The following SHOC1 variants were observed in gnomAD, a reference collection of about 807,000 sequenced individuals.
SHOC1 encodes protein shortage in chiasmata 1 ortholog.
SHOC1 carries 136 observed loss-of-function variants against 179.2 expected under a neutral mutation model. That is an observed-to-expected ratio of 0.76 (90% CI 0.66 to 0.87). The LOEUF is 0.87. Ranked by LOEUF, SHOC1 falls within the 40% of genes least tolerant of loss-of-function variation. SHOC1 has a pLI of 0.00. For missense variants in SHOC1, 1,538 were observed against 1,700.8 expected (o/e 0.90, Z 1.68); for synonymous variants, 489 against 586.6 (o/e 0.83, Z 2.41).
intron 5 of SHOC1, among the ~76,000 whole-genome samples, chr9:111,770,943 TTGGTCTTGCTTTTTTAATTCC>T (rs1258974663): frequency 2.0e-5 from 3 of 152,140 alleles, no homozygotes; most frequent in Admixed American, 6.5e-5. Context: ...AGCATATAGT[TTGGTCTTGCTTTTTTAATTCC>T]TTCAGCCATT....
At chr9:111,692,599 A>G in intron 26 of SHOC1, 88 bp from the exon 27 acceptor site, 1 of 900,552 alleles carries the variant, frequency 1.1e-6, no homozygotes, top group Non-Finnish European at 1.7e-6. Flanking sequence ...CAAAATATAA[A>G]TAGGTAGTCT....
Position 111,706,565 on chromosome 9 carries a change from T to C in SHOC1, c.2737+3A>G. 2 of 1,499,204 alleles carry C rather than the reference T, an allele frequency of 1.3e-6. No homozygotes were observed. 92.9% of individuals were successfully genotyped at this position (1,499,204 alleles called of 1,614,324 possible). A position where few individuals can be genotyped will look rare whatever the true frequency, so the allele number is the denominator to read the frequency against. ...AAAAAAGGATTTTGGCTTATATTCT[T>C]ACTTTCTAAAACTGTGTCTGGAAGA... is the stretch of plus-strand genomic sequence containing the variant. On this transcript the variant is annotated splice_donor_region_variant and intron_variant, in intron 20 of 27. Coordinates refer to ENST00000682961, the MANE Select transcript of SHOC1 (RefSeq NM_001378211.1).
intron 5 of SHOC1, among the ~76,000 whole-genome samples, chr9:111,761,118 T>G (rs752592690): frequency 8.5e-5 from 13 of 152,158 alleles, no homozygotes; most frequent in Admixed American, 7.9e-4. Context: ...AAAGGACTAT[T>G]TCATAAATGA....
chr9:111,714,498 G>C lies in SHOC1; in HGVS notation c.2362C>G (p.Gln788Glu). The C allele has an allele frequency of 6.2e-7, 1 of 1,613,778 alleles. No individual in the cohort carries two copies. The highest frequency in any genetic ancestry group is 8.5e-7 in the Non-Finnish European group (1 of 1,179,888). Residue 788 changes from glutamine (Q) to glutamate (E), a missense_variant, in exon 17 of 28, where the codon CAA (glutamine) becomes GAA (glutamate). By Grantham distance (29) the Gln-to-Glu change is conservative. Coordinates refer to ENST00000682961, the MANE Select transcript of SHOC1 (RefSeq NM_001378211.1). ...CTTAGTATCTGACATTGCAATTCTT[G>C]TATCTTGTAGTTGGTTTCAGGCTTT... ...GKKPETNYKIQELQCQILSWM... is the reference protein window; with the variant it reads ...GKKPETNYKIEELQCQILSWM...
intron 5 of SHOC1, among the ~76,000 whole-genome samples, chr9:111,770,586 T>G (rs1053463021): frequency 2.6e-5 from 4 of 152,260 alleles, no homozygotes; most frequent in Admixed American, 6.5e-5. Context: ...GTTTATGCTC[T>G]TTGTTGATTT....
At chr9:111,697,484 T>C (rs1239816787) in intron 24 of SHOC1, among the ~76,000 whole-genome samples, 2 of 152,120 alleles carry the variant, frequency 1.3e-5, no homozygotes, top group Non-Finnish European at 2.9e-5. Context: ...GAATGATGGT[T>C]TCCAGCTTCA....
chr9:111,689,652 G>C (rs966574365), intron 27 of SHOC1, among the ~76,000 whole-genome samples: 13 of 151,778 alleles, frequency 8.6e-5, no homozygotes, highest in African/African-American at 3.1e-4. Context: ...GTAGATACTA[G>C]TATCAAAGAG....
chr9:111,770,007 TTAGTCTTA>T (rs1835533880), intron 5 of SHOC1, among the ~76,000 whole-genome samples: 1 of 132,790 alleles, frequency 7.5e-6, no homozygotes, highest in African/African-American at 2.8e-5. Flanking sequence ...TTTTTTTTTT[TTAGTCTTA>T]GTTTCATGTA....
At chr9:111,736,752 A>T (rs1833829382) in intron 12 of SHOC1, among the ~76,000 whole-genome samples, 1 of 152,212 alleles carries the variant, frequency 6.6e-6, no homozygotes, top group South Asian at 2.1e-4. Context: ...GCACAGCAAA[A>T]GAAACTATCA....
In SHOC1 at chr9:111,736,947, T is replaced by C. The variant is rs1833836394; in HGVS notation, c.1417+1333A>G. Among the ~76,000 whole-genome samples, 3 of 152,006 alleles carry C rather than the reference T, an allele frequency of 2.0e-5. No individual in the cohort carries two copies. The South Asian group carries it at 6.2e-4, about 31-fold the overall frequency. On this transcript the variant is annotated intron_variant, in intron 12 of 27. Transcript: ENST00000682961. ...AAAAGAAGACTTACAAGACTTACAA[T>C]GTATGAAAAAAGTGCTCAACATCAC... is the stretch of plus-strand genomic sequence containing the variant.
chr9:111,691,572 C>G lies in SHOC1; in HGVS notation c.4405G>C (p.Gly1469Arg). 2 of 1,612,626 alleles carry G rather than the reference C, an allele frequency of 1.2e-6. No individual in the cohort carries two copies. The highest frequency in any genetic ancestry group is 8.5e-7 in the Non-Finnish European group (1 of 1,179,410). The change falls in exon 27 of 28, where the codon GGA (glycine) becomes CGA (arginine). Residue 1469 changes from glycine (G) to arginine (R), a missense_variant. By Grantham distance (125) the Gly-to-Arg change is moderately radical. Coordinates refer to ENST00000682961, the MANE Select transcript of SHOC1 (RefSeq NM_001378211.1). Reference protein sequence around the residue: ...KRHHESSFNSGDKESLTGFMC... With the variant: ...KRHHESSFNSRDKESLTGFMC... Reference sequence around the variant, plus strand: ...TTACCTGTTAATGATTCCTTGTCTCCTGAGTTAAATGAAGATTCATGGTGC... The same window carrying G: ...TTACCTGTTAATGATTCCTTGTCTCGTGAGTTAAATGAAGATTCATGGTGC...
intron 12 of SHOC1, among the ~76,000 whole-genome samples, chr9:111,729,690 C>T (rs1206776439): frequency 2.6e-5 from 4 of 152,046 alleles, no homozygotes; most frequent in Non-Finnish European, 4.4e-5. Context: ...GTCAAGAGAT[C>T]GAGACCATCC....
At chr9:111,769,606 G>A (rs1428478679) in intron 5 of SHOC1, among the ~76,000 whole-genome samples, 6 of 152,104 alleles carry the variant, frequency 3.9e-5, no homozygotes, top group Non-Finnish European at 7.4e-5. Flanking sequence ...CTCTCAGGTA[G>A]CTGGGACTAC....
At chr9:111,749,026 C>G (rs538063340) in intron 8 of SHOC1, among the ~76,000 whole-genome samples, 1 of 145,564 alleles carries the variant, frequency 6.9e-6, no homozygotes, top group African/African-American at 2.5e-5. Flanking sequence ...GCCTTCCTGC[C>G]TTCCTTCCCC....
chr9:111,764,539 A>G (rs759890343), intron 5 of SHOC1, among the ~76,000 whole-genome samples: 1 of 152,240 alleles, frequency 6.6e-6, no homozygotes, highest in Non-Finnish European at 1.5e-5. Flanking sequence ...CTGTAAATAC[A>G]GAATACTGAT....
At chr9:111,740,003 T>G (rs554449173) in intron 11 of SHOC1, among the ~76,000 whole-genome samples, 1 of 152,348 alleles carries the variant, frequency 6.6e-6, no homozygotes, top group East Asian at 1.9e-4. Context: ...CACCACTATT[T>G]TTAAAAGTAT....
At chr9:111,775,597 T>C (rs1172861789) in intron 5 of SHOC1, among the ~76,000 whole-genome samples, 194 bp downstream of exon 5, 1 of 152,056 alleles carries the variant, frequency 6.6e-6, no homozygotes, top group African/African-American at 2.4e-5. Context: ...CAAATTAAAC[T>C]CCAAAAATAA....
rs1832410624 is a variant in SHOC1 at position 111,709,096 on chromosome 9, T to G, written c.2489-1172A>C. On this transcript the variant is annotated intron_variant, in intron 18 of 27. Transcript: ENST00000682961. ...TGGCTCACGCCTGTAATCCCAGCAC[T>G]TTGGGAGGCAGAGATGGGTGGATCA... Among the ~76,000 whole-genome samples the G allele has an allele frequency of 1.3e-5, 2 of 152,206 alleles. 1 individual carries two copies. Among genetic ancestry groups the G allele is most frequent in the Admixed American group, 1.3e-4 (2 of 15,280 alleles).
chr9:111,697,560 A>T (rs1043475957), intron 24 of SHOC1, among the ~76,000 whole-genome samples: 2 of 152,194 alleles, frequency 1.3e-5, no homozygotes, highest in African/African-American at 4.8e-5. Context: ...CATGATGTAT[A>T]TGTGCCACAT....
Sources: gnomAD v4.1 joint callset for allele counts (sites outside exome capture counted in the v4.1 genomes callset) on GRCh38, gnomAD v4.1.1 for gene constraint, MANE v1.5 for transcripts, NCBI Gene and HGNC (gene_info 2026-07-23, HGNC 2026-07-21) for gene names.